MARCHF1: variants seen among roughly 807,000 people sequenced by gnomAD.
MARCHF1 encodes E3 ubiquitin-protein ligase MARCHF1.
A neutral mutation model predicts 54.2 loss-of-function variants in MARCHF1; 40 were observed. The observed-to-expected ratio is 0.74, with a 90% confidence interval of 0.57 to 0.96. MARCHF1 has a LOEUF of 0.96. MARCHF1 is among the 40% of genes least tolerant of loss of function. The probability of loss-of-function intolerance (pLI) is 0.00; values close to 1 mark genes in which losing one functional copy is unlikely to be tolerated. For missense variants in MARCHF1, 586 were observed against 656.5 expected (o/e 0.89, Z 1.17); for synonymous variants, 236 against 236.3 (o/e 1.00, Z 0.01).
chr4:164,022,366 T>C (rs1309516143), intron 2 of MARCHF1, among the ~76,000 whole-genome samples: 2 of 152,158 alleles, frequency 1.3e-5, no homozygotes, highest in Non-Finnish European at 2.9e-5. Flanking sequence ...CCAACATACT[T>C]TGGCAGATCT....
intron 4 of MARCHF1, among the ~76,000 whole-genome samples, chr4:163,790,292 C>T (rs917804254): frequency 1.2e-4 from 18 of 151,954 alleles, no homozygotes; most frequent in East Asian, 1.9e-4. Context: ...TTGTTATTTA[C>T]GAAATCAAAT....
chr4:163,847,990 G>A (rs1376547219), intron 4 of MARCHF1, among the ~76,000 whole-genome samples: 1 of 152,156 alleles, frequency 6.6e-6, no homozygotes, highest in East Asian at 1.9e-4. Flanking sequence ...ATGATTTGGA[G>A]TGTAATGCCT....
At chr4:163,923,400 G>C (rs1247801076) in intron 3 of MARCHF1, among the ~76,000 whole-genome samples, 1 of 151,882 alleles carries the variant, frequency 6.6e-6, no homozygotes, top group African/African-American at 2.4e-5. Context: ...CTTTCTACAT[G>C]TTAACAGCAA....
At chr4:163,540,678 G>C (rs1197112581) in intron 9 of MARCHF1, among the ~76,000 whole-genome samples, 1 of 152,092 alleles carries the variant, frequency 6.6e-6, no homozygotes, top group African/African-American at 2.4e-5. Flanking sequence ...TCCAACCTTG[G>C]TAGTTTTACA....
intron 4 of MARCHF1, among the ~76,000 whole-genome samples, chr4:163,703,482 T>C (rs1329662369): frequency 6.6e-6 from 1 of 152,154 alleles, no homozygotes; most frequent in African/African-American, 2.4e-5. Flanking sequence ...TACTCTTCTT[T>C]GAAGATTAGT....
intron 1 of MARCHF1, among the ~76,000 whole-genome samples, chr4:164,160,663 G>T (rs1338549905): frequency 5.9e-5 from 9 of 152,296 alleles, no homozygotes; most frequent in Admixed American, 5.2e-4. Context: ...GGTACAGCAT[G>T]ATACAATATT....
At chr4:164,241,493 AATG>A (rs1221304337) in intron 1 of MARCHF1, among the ~76,000 whole-genome samples, 2 of 152,166 alleles carry the variant, frequency 1.3e-5, no homozygotes, top group East Asian at 1.9e-4. Context: ...CCCAGTATAC[AATG>A]ATAAGTGTTT....
At chr4:163,768,909 T>A (rs555845982) in intron 4 of MARCHF1, among the ~76,000 whole-genome samples, 1 of 152,278 alleles carries the variant, frequency 6.6e-6, no homozygotes, top group African/African-American at 2.4e-5. Context: ...TGAATTGATA[T>A]GCAACCATTA....
rs199581473 is a variant in MARCHF1 at position 164,373,921 on chromosome 4, T to G, written c.-323+9949A>C. ...AATGTAGATTACTCATTTATCACCA[T>G]GAAAACACACAGAAGTAAAATTTGG... On this transcript the variant is annotated intron_variant, in intron 1 of 9. Transcript: ENST00000514618. Among the ~76,000 whole-genome samples, 4 of 152,314 alleles carry G rather than the reference T, an allele frequency of 2.6e-5. No homozygotes were observed. In the East Asian group the frequency reaches 7.7e-4, roughly 29 times the overall value.
chr4:163,698,975 G>A (rs890413974), intron 5 of MARCHF1, among the ~76,000 whole-genome samples: 1 of 152,118 alleles, frequency 6.6e-6, no homozygotes, highest in Non-Finnish European at 1.5e-5. Context: ...TCAGGTGACT[G>A]ATATTATCAT....
chr4:164,090,101 GA>G (rs1755269296), intron 2 of MARCHF1, among the ~76,000 whole-genome samples: 1 of 151,900 alleles, frequency 6.6e-6, no homozygotes, highest in African/African-American at 2.4e-5. Flanking sequence ...TCACCAGGTA[GA>G]AACACAATAA....
At chr4:164,199,679 C>CAGAGAGAGAGAG (rs1332146468) in intron 1 of MARCHF1, among the ~76,000 whole-genome samples, 5 of 51,980 alleles carry the variant, frequency 9.6e-5, no homozygotes, top group African/African-American at 4.4e-4. Flanking sequence ...CACACACACA[C>CAGAGAGAGAGAG]ACAGAGAGAG....
chr4:164,244,768 A>G (rs1405162154), intron 1 of MARCHF1, among the ~76,000 whole-genome samples: 1 of 152,168 alleles, frequency 6.6e-6, no homozygotes, highest in Non-Finnish European at 1.5e-5. Context: ...AAAAATGATA[A>G]AGGGGATATC....
intron 1 of MARCHF1, among the ~76,000 whole-genome samples, chr4:164,261,171 C>T: frequency 6.6e-6 from 1 of 152,130 alleles, no homozygotes; most frequent in East Asian, 1.9e-4. Context: ...TCTCAGGCAG[C>T]CCAGCCCTAC....
chr4:164,007,578 G>A (rs1753321503), intron 2 of MARCHF1, among the ~76,000 whole-genome samples: 1 of 151,414 alleles, frequency 6.6e-6, no homozygotes, highest in African/African-American at 2.4e-5. Flanking sequence ...TGTAAATTGA[G>A]ACAAGCAAAA....
At chr4:164,224,132 C>T (rs1732185948) in intron 1 of MARCHF1, among the ~76,000 whole-genome samples, 1 of 151,278 alleles carries the variant, frequency 6.6e-6, no homozygotes, top group South Asian at 2.1e-4. Context: ...GAATGAGGTC[C>T]AACACAAATT....
chr4:164,347,686 T>G (rs75330538), intron 1 of MARCHF1, among the ~76,000 whole-genome samples: 1 of 152,178 alleles, frequency 6.6e-6, no homozygotes, highest in East Asian at 1.9e-4. Context: ...TTAATAGCTT[T>G]TTAGTGGAGA....
chr4:164,159,965 C>T (rs1473447059), intron 1 of MARCHF1, among the ~76,000 whole-genome samples: 2 of 152,062 alleles, frequency 1.3e-5, no homozygotes, highest in African/African-American at 4.8e-5. Context: ...TAGAAACCAC[C>T]ACTTATGCCT....
At chr4:163,660,617 A>G (rs955301371) in intron 5 of MARCHF1, among the ~76,000 whole-genome samples, 7 of 151,986 alleles carry the variant, frequency 4.6e-5, no homozygotes, top group African/African-American at 1.7e-4. Flanking sequence ...AAGTTGCGTT[A>G]AAGCACATGT....
Sources: allele counts gnomAD v4.1 joint callset (sites outside exome capture counted in the v4.1 genomes callset), GRCh38; gene constraint gnomAD v4.1.1; transcripts MANE v1.5; gene names NCBI Gene and HGNC (gene_info 2026-07-23, HGNC 2026-07-21).